The following CLCN5 variants were observed in gnomAD, a reference collection of about 807,000 sequenced individuals.
The protein encoded by CLCN5 is H(+)/Cl(-) exchange transporter 5.
Under a neutral mutation model 54.0 loss-of-function variants are expected in CLCN5, and 17 were observed. The observed-to-expected ratio is 0.31, with a 90% CI of 0.22 to 0.47. The LOEUF (loss-of-function observed/expected upper bound fraction) is 0.47, where lower values mean the gene tolerates loss of function less well. CLCN5 is among the 20% of genes least tolerant of loss of function. The pLI is 1.00. For missense variants in CLCN5, 448 were observed against 646.7 expected, an observed-to-expected ratio of 0.69 and a Z score of 3.33; for synonymous variants, 222 against 233.0, an observed-to-expected ratio of 0.95 and a Z score of 0.43.
At position 50,093,940 on chromosome X, in the gene CLCN5, C is replaced by T. The variant is rs1210163321; in HGVS notation, c.*1721C>T. The T allele has an allele frequency of 9.0e-6, 1 of 110,809 alleles. No individual in the cohort carries two copies. Among genetic ancestry groups the T allele is most frequent in the Non-Finnish European group, 1.9e-5 (1 of 52,956 alleles). The allele number at this position is 110,809 out of a possible 1,213,427, so 9.1% of individuals were successfully genotyped here. The stretch of plus-strand genomic sequence containing the variant: ...AGATTTCACTGCCGGGGTAAGAGTT[C>T]AGCCTGGATGATTTTATAGCTCTGT... On this transcript the variant is annotated 3_prime_UTR_variant, in exon 15 of 15. Coordinates refer to ENST00000376091, the MANE Select transcript of CLCN5 (RefSeq NM_001127898.4).
chrX:49,936,309 G>A (rs1455407739), intron 3 of CLCN5, among the ~76,000 whole-genome samples: 2 of 111,626 alleles, frequency 1.8e-5, no homozygotes, highest in African/African-American at 6.5e-5. Context: ...ATGGGTGAGT[G>A]GAAACTCCCT....
At chrX:50,072,386 C>T in intron 5 of CLCN5, 103 bp from the exon 6 acceptor site, 1 of 605,953 alleles carries the variant, frequency 1.7e-6, no homozygotes, top group East Asian at 3.3e-5. Context: ...CTAAATTGGT[C>T]TCTATTCTCC....
intron 3 of CLCN5, among the ~76,000 whole-genome samples, chrX:50,039,849 C>T (rs1224954488): frequency 1.8e-5 from 2 of 110,538 alleles, no homozygotes; most frequent in East Asian, 2.9e-4. Flanking sequence ...CACACCACCA[C>T]GCCTGGCTAA....
intron 3 of CLCN5, among the ~76,000 whole-genome samples, chrX:49,974,412 C>CTT (rs200768955): frequency 2.8e-4 from 28 of 101,384 alleles, no homozygotes; most frequent in African/African-American, 9.6e-4. Context: ...CTTTACTGGC[C>CTT]TTTTTTTTTT....
intron 3 of CLCN5, among the ~76,000 whole-genome samples, chrX:49,972,717 A>G (rs782219819): frequency 2.7e-5 from 3 of 112,191 alleles, no homozygotes; most frequent in Non-Finnish European, 5.6e-5. Context: ...GTAAGCTCTC[A>G]GCTGTCTACA....
intron 3 of CLCN5, among the ~76,000 whole-genome samples, chrX:50,032,028 G>A (rs1557185918): frequency 3.7e-5 from 4 of 109,082 alleles, no homozygotes; most frequent in Non-Finnish European, 7.6e-5. Context: ...TTTCATCCAT[G>A]TCCCTACAAA....
Position 50,031,174 on chromosome X carries a change from A to T in CLCN5, c.17-11142A>T, listed in dbSNP as rs781833268. 3.6e-5 allele frequency among the ~76,000 whole-genome samples: 4 copies of T among 111,865 alleles called. No homozygotes were observed. In the East Asian group the frequency reaches 8.3e-4, roughly 23 times the overall value. On this transcript the variant is annotated intron_variant, in intron 3 of 14. Transcript: ENST00000376091. ...TAATTTTAATTTACCTGAATTTTTA[A>T]AGCCATTAAAAAACAAATTATCTAC...
chrX:50,081,473 G>A (rs1403175324), intron 8 of CLCN5, among the ~76,000 whole-genome samples, 168 bp from the exon 9 acceptor site: 2 of 111,564 alleles, frequency 1.8e-5, no homozygotes, highest in Non-Finnish European at 3.8e-5. Context: ...AACAGTTCTT[G>A]CTTTCTTGGG....
chrX:49,942,142 T>G (rs1557171061), intron 3 of CLCN5, among the ~76,000 whole-genome samples: 1 of 42,962 alleles, frequency 2.3e-5, no homozygotes, highest in African/African-American at 9.3e-5. Flanking sequence ...TCTTGATTAA[T>G]GTTAAATTAG....
chrX:49,965,857 A>G (rs1355349378), intron 3 of CLCN5, among the ~76,000 whole-genome samples: 1 of 107,747 alleles, frequency 9.3e-6, no homozygotes, highest in Non-Finnish European at 1.9e-5. Context: ...GTTTTTCTCT[A>G]TCTATTGTGG....
intron 6 of CLCN5, among the ~76,000 whole-genome samples, chrX:50,073,210 C>T (rs1396169355): frequency 3.6e-5 from 4 of 111,541 alleles, no homozygotes; most frequent in African/African-American, 1.3e-4. Flanking sequence ...GTTTCTCACC[C>T]GGTGGGGAGA....
intron 4 of CLCN5, among the ~76,000 whole-genome samples, chrX:50,065,775 A>G (rs1168783688): frequency 1.9e-5 from 2 of 104,534 alleles, no homozygotes; most frequent in Admixed American, 1.0e-4. Flanking sequence ...ATGTCCAACA[A>G]TGATAGACTG....
intron 3 of CLCN5, among the ~76,000 whole-genome samples, chrX:49,986,622 T>G (rs1359333613): frequency 1.8e-5 from 2 of 112,058 alleles, no homozygotes; most frequent in Non-Finnish European, 3.8e-5. Context: ...TGTATAACTT[T>G]CAGATGATTA....
intron 4 of CLCN5, among the ~76,000 whole-genome samples, chrX:50,060,940 G>A (rs1932848485): frequency 2.3e-5 from 2 of 86,644 alleles, no homozygotes; most frequent in African/African-American, 9.7e-5. Flanking sequence ...ACCTGCAGCT[G>A]AGGGTCCTGT....
intron 4 of CLCN5, among the ~76,000 whole-genome samples, chrX:50,069,153 A>C (rs1933140306): frequency 8.9e-6 from 1 of 112,254 alleles, no homozygotes; most frequent in Non-Finnish European, 1.9e-5. Context: ...AAGCATGCAC[A>C]AAAGTAATTG....
intron 3 of CLCN5, chrX:50,003,211 C>T (rs1569538468): frequency 7.8e-6 from 3 of 384,936 alleles, no homozygotes; most frequent in South Asian, 4.7e-5. Flanking sequence ...TACCCTCCCA[C>T]ACCCAAGGCT....
At chrX:50,052,753 A>C in intron 4 of CLCN5, among the ~76,000 whole-genome samples, 1 of 111,818 alleles carries the variant, frequency 8.9e-6, no homozygotes, top group East Asian at 2.8e-4. Context: ...GGTCTATTTT[A>C]CAACACGATG....
chrX:50,047,743 T>G (rs1932443382), intron 4 of CLCN5, among the ~76,000 whole-genome samples: 1 of 111,411 alleles, frequency 9.0e-6, no homozygotes, highest in Non-Finnish European at 1.9e-5. Flanking sequence ...TTTTGAAGAG[T>G]ACTGGTCAGG....
intron 4 of CLCN5, among the ~76,000 whole-genome samples, chrX:50,051,870 G>A: frequency 9.0e-6 from 1 of 111,549 alleles, no homozygotes; most frequent in Non-Finnish European, 1.9e-5. Flanking sequence ...TTATATCCTG[G>A]AGTCTTACTA....
Sources: allele counts gnomAD v4.1 joint callset (sites outside exome capture counted in the v4.1 genomes callset), GRCh38; gene constraint gnomAD v4.1.1; transcripts MANE v1.5; gene names NCBI Gene and HGNC (gene_info 2026-07-23, HGNC 2026-07-21).